SLC28A3: variants seen among roughly 807,000 people sequenced by gnomAD.
SLC28A3 encodes concentrative Na(+)-nucleoside cotransporter 3.
A neutral mutation model predicts 84.2 loss-of-function variants in SLC28A3; 68 were observed. The observed-to-expected ratio is 0.81, with a 90% CI of 0.66 to 0.99. The LOEUF (loss-of-function observed/expected upper bound fraction) is 0.99. SLC28A3 is among the 50% of genes least tolerant of loss of function. The probability of loss-of-function intolerance (pLI) is 0.00; values close to 1 mark genes in which losing one functional copy is unlikely to be tolerated. For synonymous variants in SLC28A3, 267 were observed against 303.6 expected (o/e 0.88, Z 1.25); for missense variants, 712 against 841.5 (o/e 0.85, Z 1.90).
At chr9:84,367,925 T>C in the SLC28A3 span, among the ~76,000 whole-genome samples, 1 of 152,186 alleles carries the variant, frequency 6.6e-6, no homozygotes, top group African/African-American at 2.4e-5. Context: ...AGACATTCCA[T>C]TCTCAGGGAC....
intron 4 of SLC28A3, among the ~76,000 whole-genome samples, chr9:84,304,353 G>C (rs1431368422): frequency 2.0e-5 from 3 of 152,148 alleles, no homozygotes; most frequent in Non-Finnish European, 4.4e-5. Context: ...TGGGATTAAT[G>C]TCTGTGGTTT....
chr9:84,351,839 T>A, the SLC28A3 span, among the ~76,000 whole-genome samples: 1 of 149,312 alleles, frequency 6.7e-6, no homozygotes, highest in Admixed American at 6.7e-5. Context: ...TATTTAGGAA[T>A]AAAGTGATAT....
In SLC28A3 at chr9:84,313,455, C is replaced by T; in HGVS notation, c.61-1G>A. 1 of 1,611,396 alleles carries T rather than the reference C, an allele frequency of 6.2e-7. No individual in the cohort carries two copies. Among genetic ancestry groups the T allele is most frequent in the African/African-American group, 1.3e-5 (1 of 74,764 alleles). Reference sequence around the variant, plus strand: ...CGTTCTCAAGAAAGTTTTCTTCATTCTAAGAAAAAAGTGCAGATTGAAAAA... The same window carrying T: ...CGTTCTCAAGAAAGTTTTCTTCATTTTAAGAAAAAAGTGCAGATTGAAAAA... On this transcript the variant is annotated splice_acceptor_variant, in intron 1 of 17. Transcript: ENST00000376238. LOFTEE classifies it high-confidence loss of function.
chr9:84,300,425 C>T (rs1040724162), intron 5 of SLC28A3, among the ~76,000 whole-genome samples: 7 of 152,178 alleles, frequency 4.6e-5, no homozygotes, highest in Admixed American at 2.0e-4. Flanking sequence ...ATGTTATCTG[C>T]CCTTGGGGGA....
intron 8 of SLC28A3, among the ~76,000 whole-genome samples, chr9:84,295,718 T>C (rs1825389739): frequency 1.3e-5 from 2 of 152,218 alleles, no homozygotes; most frequent in African/African-American, 2.4e-5. Context: ...CTACCCTGCA[T>C]AGACCACAAA....
chr9:84,311,455 C>T (rs940346226), intron 2 of SLC28A3, among the ~76,000 whole-genome samples: 1 of 152,102 alleles, frequency 6.6e-6, no homozygotes, highest in Non-Finnish European at 1.5e-5. Context: ...CCAAAGTCTG[C>T]AGTGAGACTC....
chr9:84,328,307 C>A (rs1826646765), intron 1 of SLC28A3, among the ~76,000 whole-genome samples: 1 of 150,734 alleles, frequency 6.6e-6, no homozygotes, highest in Non-Finnish European at 1.5e-5. Flanking sequence ...TTTAAAAACC[C>A]ATGATCTGAA....
chr9:84,317,412 T>C (rs750086649), intron 1 of SLC28A3, among the ~76,000 whole-genome samples: 6 of 152,202 alleles, frequency 3.9e-5, no homozygotes, highest in Non-Finnish European at 5.9e-5. Flanking sequence ...ACAATAGTGG[T>C]CTTCCTGCCC....
chr9:84,322,466 G>A (rs1347600794), intron 1 of SLC28A3, among the ~76,000 whole-genome samples: 1 of 152,032 alleles, frequency 6.6e-6, no homozygotes, highest in South Asian at 2.1e-4. Context: ...GTTACTTTTT[G>A]GTGATTTCTA....
intron 13 of SLC28A3, 33 bp downstream of exon 13, chr9:84,285,910 A>G: frequency 1.3e-6 from 2 of 1,592,170 alleles, no homozygotes; most frequent in Non-Finnish European, 8.6e-7. Flanking sequence ...AGGCAGAAAC[A>G]AAACAGAGGG....
At chr9:84,330,985 C>A (rs1292118184) in intron 1 of SLC28A3, among the ~76,000 whole-genome samples, 1 of 152,082 alleles carries the variant, frequency 6.6e-6, no homozygotes, top group Non-Finnish European at 1.5e-5. Flanking sequence ...CTTTCCAGTG[C>A]CTCAACACTG....
At chr9:84,323,428 T>A (rs1826444041) in intron 1 of SLC28A3, among the ~76,000 whole-genome samples, 1 of 148,242 alleles carries the variant, frequency 6.7e-6, no homozygotes, top group African/African-American at 2.5e-5. Flanking sequence ...AGTACATGAT[T>A]TTTTTTTTTT....
chr9:84,303,085 C>T (rs754934035), intron 4 of SLC28A3, among the ~76,000 whole-genome samples: 16 of 152,096 alleles, frequency 1.1e-4, no homozygotes, highest in South Asian at 6.2e-4. Flanking sequence ...CCAACTGAAC[C>T]GAGCCTGTCT....
intron 1 of SLC28A3, among the ~76,000 whole-genome samples, chr9:84,314,926 C>A (rs932904300): frequency 2.7e-4 from 41 of 151,992 alleles, no homozygotes; most frequent in Admixed American, 1.2e-3. Flanking sequence ...AAAATACAAA[C>A]ATTAGCTGGG....
intron 16 of SLC28A3, 65 bp downstream of exon 16, chr9:84,279,910 C>T: frequency 6.6e-7 from 1 of 1,509,780 alleles, no homozygotes; most frequent in Non-Finnish European, 9.1e-7. Context: ...GCTGGAGGCA[C>T]TGCCTGTCCT....
intron 4 of SLC28A3, 140 bp from the exon 5 acceptor site, chr9:84,302,529 C>T: frequency 1.3e-6 from 1 of 747,564 alleles, no homozygotes; most frequent in Non-Finnish European, 2.1e-6. Context: ...CTTGATATGG[C>T]TACTGGCTTC....
At chr9:84,336,706 T>C (rs1826987919) in intron 1 of SLC28A3, among the ~76,000 whole-genome samples, 1 of 152,128 alleles carries the variant, frequency 6.6e-6, no homozygotes, top group Admixed American at 6.6e-5. Flanking sequence ...ACTGCGTAAA[T>C]TCTGAGCGAT....
chr9:84,300,296 T>C (rs915171542), intron 5 of SLC28A3, among the ~76,000 whole-genome samples: 8 of 152,214 alleles, frequency 5.3e-5, no homozygotes, highest in African/African-American at 1.9e-4. Context: ...AGAGAGGAGA[T>C]AGCATGTTTG....
chr9:84,302,664 T>A (rs539536584), intron 4 of SLC28A3, among the ~76,000 whole-genome samples: 3 of 152,276 alleles, frequency 2.0e-5, no homozygotes, highest in East Asian at 3.9e-4. Flanking sequence ...ATCTTGATGC[T>A]CAATCATTGG....
Sources: allele counts gnomAD v4.1 joint callset (sites outside exome capture counted in the v4.1 genomes callset), GRCh38; gene constraint gnomAD v4.1.1; transcripts MANE v1.5; gene names NCBI Gene and HGNC (gene_info 2026-07-23, HGNC 2026-07-21).